SORCS2: variants seen among roughly 807,000 people sequenced by gnomAD.
SORCS2 encodes the protein VPS10 domain-containing receptor SorCS2.
In SORCS2, 100 loss-of-function variants were observed where a neutral mutation model predicts 141.6. The ratio of observed to expected loss-of-function variants is 0.71; its 90% CI spans 0.60 to 0.83. SORCS2 has a LOEUF of 0.83. Among genes scored for constraint, SORCS2 ranks in the 40% least tolerant of loss-of-function variants. The probability of loss-of-function intolerance (pLI) is 0.00; values close to 1 mark genes in which losing one functional copy is unlikely to be tolerated. For missense variants in SORCS2, 1,646 were observed against 1,560.2 expected (o/e 1.05, Z -0.93); for synonymous variants, 789 against 676.9 (o/e 1.17, Z -2.57).
At position 7,251,479 on chromosome 4, in the gene SORCS2, G is replaced by A. The variant is rs991641665; in HGVS notation, c.480+58353G>A. On this transcript the variant is annotated intron_variant, in intron 1 of 26. Transcript: ENST00000507866. ...TGTACAGGAGGGCTCACTGTAAGCC[G>A]TAATGTGCTGTTCTCAAGACTAGGA... Among the ~76,000 whole-genome samples, 9 of 152,326 alleles carry A rather than the reference G, an allele frequency of 5.9e-5. No individual in the cohort carries two copies. The East Asian group carries it at 7.7e-4, about 13-fold the overall frequency.
At chr4:7,456,722 C>G (rs529462928) in intron 2 of SORCS2, among the ~76,000 whole-genome samples, 1 of 152,272 alleles carries the variant, frequency 6.6e-6, no homozygotes. Context: ...AACTGCTGCT[C>G]AGTGGCTTTG....
intron 3 of SORCS2, among the ~76,000 whole-genome samples, chr4:7,579,312 G>C (rs1428356061): frequency 6.6e-6 from 1 of 152,116 alleles, no homozygotes; most frequent in Non-Finnish European, 1.5e-5. Context: ...CTGAGTAGCT[G>C]AGTACCTACA....
Position 7,661,454 on chromosome 4 carries a change from C to T in SORCS2, c.888-46C>T, listed in dbSNP as rs574972344. 26 of 1,534,692 alleles carry T rather than the reference C, an allele frequency of 1.7e-5. No individual in the cohort carries two copies. In the East Asian group the frequency reaches 3.2e-4, roughly 19 times the overall value. On this transcript the variant is annotated intron_variant, in intron 5 of 26. Coordinates refer to ENST00000507866, the MANE Select transcript of SORCS2 (RefSeq NM_020777.3). ...GTGTGGGGAGCAGCTGGGGGACGGG[C>T]ATGGTGACTCCATTCCCGACCCCAG... is the stretch of plus-strand genomic sequence containing the variant.
At chr4:7,461,106 G>A (rs1729279387) in intron 2 of SORCS2, among the ~76,000 whole-genome samples, 1 of 152,188 alleles carries the variant, frequency 6.6e-6, no homozygotes, top group Non-Finnish European at 1.5e-5. Flanking sequence ...GGACATTAGA[G>A]AGGAGGCCAT....
intron 3 of SORCS2, among the ~76,000 whole-genome samples, chr4:7,624,834 C>T (rs1255632312): frequency 6.6e-6 from 1 of 152,228 alleles, no homozygotes; most frequent in Non-Finnish European, 1.5e-5. Context: ...GCAAACAAAA[C>T]ACGATTAAAC....
Position 7,728,318 on chromosome 4 carries a change from C to G in SORCS2, c.2870-32C>G, listed in dbSNP as rs763767245. On this transcript the variant is annotated intron_variant, in intron 21 of 26. Coordinates refer to ENST00000507866, the MANE Select transcript of SORCS2 (RefSeq NM_020777.3). ...GCCGTCAGAGCCAGGCTGTCCAGAA[C>G]TGACCAGTCTCCCTTCTCTGCGTCT... 5.2e-6 allele frequency: 8 copies of G among 1,551,400 alleles called. No individual in the cohort carries two copies. In the South Asian group the frequency reaches 6.8e-5, roughly 13 times the overall value.
In SORCS2 at chr4:7,193,199, G is replaced by C; in HGVS notation, c.480+73G>C. 7.2e-7 allele frequency: 1 copy of C among 1,382,136 alleles called. No homozygotes were observed. The highest frequency in any genetic ancestry group is 9.3e-7 in the Non-Finnish European group (1 of 1,070,450). The allele number at this position is 1,382,136 out of a possible 1,614,324, so 85.6% of individuals were successfully genotyped here. ...GGGACACCCGGGCGGGACCGCCACG[G>C]CCCCCACCCCAGATCCCCACTATGG... On this transcript the variant is annotated intron_variant, in intron 1 of 26. Coordinates refer to ENST00000507866, the MANE Select transcript of SORCS2 (RefSeq NM_020777.3). This position sits in a 1 kb window ranked among gnomAD's most constrained non-coding sequence, Gnocchi z 4.8.
intron 3 of SORCS2, among the ~76,000 whole-genome samples, chr4:7,560,377 C>A (rs1714448768): frequency 6.6e-6 from 1 of 151,998 alleles, no homozygotes; most frequent in African/African-American, 2.4e-5. Context: ...CTACTGGAGG[C>A]AGGTGGTGGT....
rs201514131 is a variant in SORCS2, at chr4:7,682,778, A to C, written c.1377A>C (p.Gln459His). 6.2e-7 allele frequency: 1 copy of C among 1,612,354 alleles called. No homozygotes were observed. Among genetic ancestry groups the C allele is most frequent in the Admixed American group, 1.7e-5 (1 of 59,824 alleles). Reference sequence around the variant, plus strand: ...TGAAAGGAGTCTTCCTGGCAAACCAAAAAATTGATGGGAAAGTGATGACGC... The same window carrying C: ...TGAAAGGAGTCTTCCTGGCAAACCACAAAATTGATGGGAAAGTGATGACGC... ...RGVKGVFLANQKIDGKVMTLI... is the reference protein window; with the variant it reads ...RGVKGVFLANHKIDGKVMTLI... The change falls in exon 10 of 27, where the codon CAA becomes CAC. Residue 459 changes from glutamine (Q) to histidine (H), a missense_variant. Physicochemically the swap from Gln to His is conservative, Grantham distance 24 (BLOSUM62 0). Transcript: ENST00000507866.
chr4:7,226,100 TG>T (rs2108768311), intron 1 of SORCS2, among the ~76,000 whole-genome samples: 2 of 152,222 alleles, frequency 1.3e-5, no homozygotes, highest in South Asian at 2.1e-4. Flanking sequence ...CTCTATAGCC[TG>T]GGGGCCTCTG....
At chr4:7,666,830 G>A (rs963527154) in intron 7 of SORCS2, among the ~76,000 whole-genome samples, 5 of 152,090 alleles carry the variant, frequency 3.3e-5, no homozygotes, top group South Asian at 2.1e-4. Flanking sequence ...CTTCTCCATC[G>A]GAACTTTCTC....
chr4:7,361,548 G>A (rs931350579), intron 1 of SORCS2, among the ~76,000 whole-genome samples: 3 of 151,988 alleles, frequency 2.0e-5, no homozygotes, highest in Non-Finnish European at 4.4e-5. Context: ...GCAGCTGCAG[G>A]CCCCCTGCCT....
rs922080268 is a variant in SORCS2, at chr4:7,286,336, G to A, written c.480+93210G>A. ...AGAGCAGGCCTGTTGTGGGAGCAGC[G>A]GAAGAGCCTGGGGTGGCTCTGGGGC... is the stretch of plus-strand genomic sequence containing the variant. On this transcript the variant is annotated intron_variant, in intron 1 of 26. Coordinates refer to ENST00000507866, the MANE Select transcript of SORCS2 (RefSeq NM_020777.3). The surrounding 1 kb of genome is among the most constrained non-coding windows in gnomAD (Gnocchi z 4.1). 3.3e-5 allele frequency among the ~76,000 whole-genome samples: 5 copies of A among 152,348 alleles called. No individual in the cohort carries two copies. Among genetic ancestry groups the A allele is most frequent in the South Asian group, 2.1e-4 (1 of 4,832 alleles).
Position 7,737,056 on chromosome 4 carries a change from C to T in SORCS2, c.3312-13C>T, listed in dbSNP as rs767170232. ...CCCCTCCAAGCTGAGCCGCCCTTGC[C>T]TCTGTCCAGCAGGAAACGGCCAGGC... On this transcript the variant is annotated splice_polypyrimidine_tract_variant and intron_variant, in intron 25 of 26. Coordinates refer to ENST00000507866, the MANE Select transcript of SORCS2 (RefSeq NM_020777.3). 2 of 1,550,918 alleles carry T rather than the reference C, an allele frequency of 1.3e-6. No homozygotes were observed. Among genetic ancestry groups the T allele is most frequent in the Non-Finnish European group, 1.7e-6 (2 of 1,146,858 alleles).
At position 7,654,146 on chromosome 4, in the gene SORCS2, T is replaced by C; in HGVS notation, c.826T>C (p.Ser276Pro). 1 of 1,579,788 alleles carries C rather than the reference T, an allele frequency of 6.3e-7. No homozygotes were observed. The highest frequency in any genetic ancestry group is 8.6e-7 in the Non-Finnish European group (1 of 1,161,402). ...YTKESKLYVSSDLGKKWTLLQ... is the reference protein window; with the variant it reads ...YTKESKLYVSPDLGKKWTLLQ... ...TTCTGCCCTAAAGCTCTACGTGTCATCTGACTTGGGGAAAAAGTGGACACT... is the reference window on the plus strand; with the variant it reads ...TTCTGCCCTAAAGCTCTACGTGTCACCTGACTTGGGGAAAAAGTGGACACT... Residue 276 changes from serine to proline, a missense_variant, in exon 5 of 27, where the codon TCT becomes CCT. Physicochemically the swap from Ser to Pro is moderately conservative, Grantham distance 74. Coordinates refer to ENST00000507866, the MANE Select transcript of SORCS2 (RefSeq NM_020777.3).
intron 2 of SORCS2, chr4:7,434,494 G>A (rs748158822): frequency 1.2e-6 from 2 of 1,612,046 alleles, no homozygotes; most frequent in South Asian, 1.1e-5. Context: ...CTGTGCCGGG[G>A]CACTGTCCGG....
intron 22 of SORCS2, among the ~76,000 whole-genome samples, chr4:7,728,665 G>A (rs4689157): frequency 0.14 from 21,723 of 152,226 alleles, 1,595 homozygotes; most frequent in East Asian, 0.18. Context: ...AGGACCTGCA[G>A]CTGGAGCACC....
intron 2 of SORCS2, among the ~76,000 whole-genome samples, chr4:7,523,309 A>T (rs987579643): frequency 6.6e-6 from 1 of 152,166 alleles, no homozygotes; most frequent in African/African-American, 2.4e-5. Flanking sequence ...TCCAGTTCCC[A>T]CATGTTCAGC....
chr4:7,304,003 G>A (rs1320564771), intron 1 of SORCS2, among the ~76,000 whole-genome samples: 4 of 152,266 alleles, frequency 2.6e-5, no homozygotes, highest in African/African-American at 9.6e-5. Context: ...TGAGAAGCAG[G>A]TGCTATTGTC....
Sources: allele counts gnomAD v4.1 joint callset (sites outside exome capture counted in the v4.1 genomes callset), GRCh38; gene constraint gnomAD v4.1.1; non-coding constraint Gnocchi (gnomAD v3.1); transcripts MANE v1.5; gene names NCBI Gene and HGNC (gene_info 2026-07-23, HGNC 2026-07-21).